The following SGCD variants were observed in gnomAD, a reference collection of about 807,000 sequenced individuals.
The protein encoded by SGCD is delta-sarcoglycan.
Under a neutral mutation model 36.6 loss-of-function variants are expected in SGCD, and 18 were observed. That is an observed-to-expected ratio of 0.49 (90% confidence interval 0.34 to 0.73). The LOEUF is 0.73. Among genes scored for constraint, SGCD ranks in the 30% least tolerant of loss-of-function variants. The probability of loss-of-function intolerance (pLI) is 0.01; values close to 1 mark genes in which losing one functional copy is unlikely to be tolerated. For synonymous variants in SGCD, 133 were observed against 130.6 expected, an observed-to-expected ratio of 1.02 and a Z score of -0.12; for missense variants, 387 against 346.7, an observed-to-expected ratio of 1.12 and a Z score of -0.92.
intron 7 of SGCD, among the ~76,000 whole-genome samples, chr5:156,695,112 T>TTGTGTGTGTG (rs370137233): frequency 2.3e-5 from 3 of 128,910 alleles, no homozygotes; most frequent in African/African-American, 8.4e-5. Flanking sequence ...GGTACTGTGT[T>TTGTGTGTGTG]TGTGTGTGTG....
chr5:155,959,788 A>T (rs1036800718), intron 1 of SGCD, among the ~76,000 whole-genome samples: 5 of 152,120 alleles, frequency 3.3e-5, no homozygotes, highest in Non-Finnish European at 4.4e-5. Flanking sequence ...ATACATATTA[A>T]CTTATTTAAT....
chr5:155,765,172 T>TG, the SGCD span, among the ~76,000 whole-genome samples: 1,625 of 151,822 alleles, frequency 0.011, 36 homozygotes, highest in African/African-American at 0.038. Flanking sequence ...CCAAGTTACT[T>TG]GGGGGGCTGA....
At chr5:156,564,721 C>T (rs1190564380) in intron 4 of SGCD, among the ~76,000 whole-genome samples, 2 of 152,044 alleles carry the variant, frequency 1.3e-5, no homozygotes, top group East Asian at 3.9e-4. Context: ...TTTTAGGTGC[C>T]TTATGTAAAT....
Position 156,567,598 on chromosome 5 carries a change from A to G in SGCD, c.295-21633A>G, listed in dbSNP as rs1206137077. ...AGCCTTCGTCCTGTTTAGGCCTTCA[A>G]CTGAATCTATGAGGCCTACCCATAT... On this transcript the variant is annotated intron_variant, in intron 4 of 8. Transcript: ENST00000337851. Among the ~76,000 whole-genome samples, 4 of 152,218 alleles carry G rather than the reference A, an allele frequency of 2.6e-5. No individual in the cohort carries two copies. The East Asian group carries it at 7.7e-4, about 29-fold the overall frequency.
At chr5:155,825,591 G>A in the SGCD span, among the ~76,000 whole-genome samples, 1 of 152,344 alleles carries the variant, frequency 6.6e-6, no homozygotes, top group South Asian at 2.1e-4. Context: ...AAAGTTGCTA[G>A]AAGTATGTCA....
chr5:155,731,802 T>C, the SGCD span, among the ~76,000 whole-genome samples: 2 of 152,182 alleles, frequency 1.3e-5, no homozygotes, highest in African/African-American at 4.8e-5. Context: ...CCTGTTCCAA[T>C]AGGGACCGGA....
At chr5:156,189,262 A>T (rs1331649484) in intron 3 of SGCD, among the ~76,000 whole-genome samples, 1 of 152,194 alleles carries the variant, frequency 6.6e-6, no homozygotes, top group Non-Finnish European at 1.5e-5. Flanking sequence ...GGAGGCTGAA[A>T]ACCTCTGGGG....
At chr5:156,131,355 A>G (rs774818818) in intron 3 of SGCD, among the ~76,000 whole-genome samples, 4 of 152,238 alleles carry the variant, frequency 2.6e-5, no homozygotes, top group Non-Finnish European at 5.9e-5. Context: ...CAGTTTCTTC[A>G]TTCATAGGAT....
upstream of SGCD, among the ~76,000 whole-genome samples, chr5:155,866,625 G>A (rs1054039839): frequency 6.6e-6 from 1 of 152,110 alleles, no homozygotes; most frequent in African/African-American, 2.4e-5. Flanking sequence ...TGCTGCTGCT[G>A]CTAGTACTAC....
At chr5:156,091,082 C>T (rs1036971310) in intron 1 of SGCD, among the ~76,000 whole-genome samples, 2 of 152,178 alleles carry the variant, frequency 1.3e-5, no homozygotes, top group Admixed American at 1.3e-4. Flanking sequence ...AGGTGACATA[C>T]ATCCTCAGCT....
At chr5:156,509,980 G>A (rs940296866) in intron 4 of SGCD, among the ~76,000 whole-genome samples, 10 of 152,168 alleles carry the variant, frequency 6.6e-5, no homozygotes, top group African/African-American at 2.4e-4. Context: ...AGCACTACTT[G>A]CATTGTGTGC....
At chr5:156,015,726 G>A (rs1348466201) in intron 1 of SGCD, among the ~76,000 whole-genome samples, 1 of 150,586 alleles carries the variant, frequency 6.6e-6, no homozygotes, top group Non-Finnish European at 1.5e-5. Flanking sequence ...TGTATAATAT[G>A]TATATATGAT....
intron 1 of SGCD, among the ~76,000 whole-genome samples, chr5:156,017,618 T>A (rs1284682044): frequency 6.6e-6 from 1 of 152,106 alleles, no homozygotes; most frequent in Non-Finnish European, 1.5e-5. Flanking sequence ...TTCTGATATG[T>A]AAGAAATTCA....
At chr5:155,839,641 C>A in the SGCD span, among the ~76,000 whole-genome samples, 1 of 152,106 alleles carries the variant, frequency 6.6e-6, no homozygotes, top group African/African-American at 2.4e-5. Flanking sequence ...TGAATTTATT[C>A]AATTATTTAT....
At chr5:156,521,016 C>CA (rs3075012) in intron 4 of SGCD, among the ~76,000 whole-genome samples, 2,212 of 56,422 alleles carry the variant, frequency 0.039, 98 homozygotes, top group African/African-American at 0.054. Context: ...GACTCCGTCT[C>CA]AAAAAAAAAA....
chr5:155,844,421 TTGTGTG>T, the SGCD span, among the ~76,000 whole-genome samples: 183 of 144,556 alleles, frequency 1.3e-3, no homozygotes, highest in South Asian at 4.5e-3. Flanking sequence ...TGCTAAGGCT[TTGTGTG>T]TGTGTGTGTG....
intron 3 of SGCD, among the ~76,000 whole-genome samples, chr5:156,127,481 G>A (rs900503946): frequency 3.3e-5 from 5 of 151,990 alleles, no homozygotes; most frequent in Non-Finnish European, 7.4e-5. Flanking sequence ...GCCAGGCATC[G>A]TAGCATGTAC....
chr5:155,907,905 C>G (rs1270329613), intron 1 of SGCD, among the ~76,000 whole-genome samples: 2 of 152,086 alleles, frequency 1.3e-5, no homozygotes, highest in Admixed American at 6.6e-5. Context: ...GCATAGCATG[C>G]TACAGAGAAA....
the SGCD span, among the ~76,000 whole-genome samples, chr5:155,799,487 T>G: frequency 6.6e-6 from 1 of 151,872 alleles, no homozygotes; most frequent in Non-Finnish European, 1.5e-5. Flanking sequence ...TTCGTCTCCC[T>G]TGTTCAAGCA....
Sources: allele counts gnomAD v4.1 joint callset (sites outside exome capture counted in the v4.1 genomes callset), GRCh38; gene constraint gnomAD v4.1.1; transcripts MANE v1.5; gene names NCBI Gene and HGNC (gene_info 2026-07-23, HGNC 2026-07-21).